Variants in CHUK observed in about 807,000 individuals in gnomAD.
CHUK encodes the protein inhibitor of nuclear factor kappa-B kinase subunit alpha.
In CHUK, 35 loss-of-function variants were observed where a neutral mutation model predicts 104.8. The observed-to-expected ratio is 0.33, with a 90% CI of 0.26 to 0.44. CHUK has a LOEUF of 0.44. Ranked by LOEUF, CHUK falls within the 20% of genes least tolerant of loss-of-function variation. The probability of loss-of-function intolerance (pLI) is 1.00; values close to 1 mark genes in which losing one functional copy is unlikely to be tolerated. For synonymous variants in CHUK, 276 were observed against 291.9 expected (o/e 0.95, Z 0.56); for missense variants, 663 against 902.7 (o/e 0.73, Z 3.40).
downstream of CHUK, chr10:100,188,182 C>T (rs12784198): frequency 0.062 from 9,492 of 152,204 alleles, 340 homozygotes; most frequent in African/African-American, 0.095. Context: ...GATAGGACAT[C>T]TCAGAGGAAA....
intron 9 of CHUK, 39 bp downstream of exon 9, chr10:100,217,956 T>C: frequency 1.3e-6 from 2 of 1,587,778 alleles, no homozygotes; most frequent in Non-Finnish European, 1.7e-6. Context: ...CTTGTTACTT[T>C]CAATGCTGGT....
intron 16 of CHUK, among the ~76,000 whole-genome samples, chr10:100,197,602 C>T (rs1845364493): frequency 6.6e-6 from 1 of 152,108 alleles, no homozygotes; most frequent in African/African-American, 2.4e-5. Flanking sequence ...AACAAAAAAA[C>T]CTATATTTAC....
intron 2 of CHUK, 32 bp downstream of exon 2, chr10:100,225,891 C>T (rs1475686538): frequency 7.9e-7 from 1 of 1,266,698 alleles, no homozygotes; most frequent in Non-Finnish European, 1.2e-6. Flanking sequence ...GGCTGTAGAA[C>T]CAGGGAAATG....
chr10:100,195,282 A>G (rs1283025612), intron 16 of CHUK: 1 of 152,234 alleles, frequency 6.6e-6, no homozygotes, highest in Non-Finnish European at 1.5e-5. Flanking sequence ...TGCAATAATA[A>G]TAATATTTGC....
At chr10:100,186,448 A>G (rs1845000622), downstream of CHUK, 2 of 165,668 alleles carry the variant, frequency 1.2e-5, no homozygotes, top group Admixed American at 1.3e-4. Flanking sequence ...AAGTGCTGTG[A>G]AAGTTCAGAA....
rs370843778 is a variant in CHUK, at chr10:100,189,478, GTTCATA to G, written c.*114_*119del. On this transcript the variant is annotated 3_prime_UTR_variant, in exon 21 of 21. Transcript: ENST00000370397. ...TGATCATAGTAGAAATGTAGTTTCT[GTTCATA>G]GCCATTTCTTCCATTGACTGATGTC... 8.7e-6 allele frequency: 7 copies of G among 804,790 alleles called. No homozygotes were observed. The African/African-American group carries it at 1.2e-4, about 14-fold the overall frequency. 49.9% of individuals were successfully genotyped at this position (804,790 alleles called of 1,614,324 possible).
chr10:100,194,673 T>C, intron 16 of CHUK, 152 bp from the exon 17 acceptor site: 1 of 563,838 alleles, frequency 1.8e-6, no homozygotes, highest in Non-Finnish European at 3.1e-6. Flanking sequence ...AGATAAAAGA[T>C]ATAAAGATTA....
rs758817488 is a variant in CHUK at position 100,205,091 on chromosome 10, C to G, written c.1340G>C (p.Gly447Ala). ...ATCCACTTACATTGCTGCCCTTTGTCCCTGAAAGAGCCTGCTATAGTCTTC... is the reference window on the plus strand; with the variant it reads ...ATCCACTTACATTGCTGCCCTTTGTGCCTGAAAGAGCCTGCTATAGTCTTC... ...LKEDYSRLFQ[G>A]QRAAMLSLLR... Residue 447 changes from glycine (G) to alanine (A), a missense_variant, in exon 12 of 21, where the codon GGA (glycine) becomes GCA (alanine). Physicochemically the swap from Gly to Ala is moderately conservative, Grantham distance 60 (BLOSUM62 0). This residue lies in a region of CHUK where 311 missense variants were observed against 393.4 expected (regional missense o/e 0.79). Transcript: ENST00000370397. 6.2e-7 allele frequency: 1 copy of G among 1,614,130 alleles called. No homozygotes were observed. Among genetic ancestry groups the G allele is most frequent in the Admixed American group, 1.7e-5 (1 of 60,024 alleles).
At chr10:100,211,839 A>C (rs1301118641) in intron 9 of CHUK, among the ~76,000 whole-genome samples, 1 of 151,940 alleles carries the variant, frequency 6.6e-6, no homozygotes, top group Non-Finnish European at 1.5e-5. Context: ...AATCCTTTGG[A>C]TATATACCAA....
At chr10:100,197,933 T>C (rs772800560) in intron 16 of CHUK, among the ~76,000 whole-genome samples, 1 of 152,224 alleles carries the variant, frequency 6.6e-6, no homozygotes, top group Non-Finnish European at 1.5e-5. Flanking sequence ...GTTTTACATT[T>C]TTGCAAACCT....
At chr10:100,194,568 A>G in intron 16 of CHUK, 47 bp from the exon 17 acceptor site, 1 of 1,273,828 alleles carries the variant, frequency 7.9e-7, no homozygotes, top group Non-Finnish European at 1.1e-6. Flanking sequence ...TCTGTAACAT[A>G]TCAGCCTCCA....
At chr10:100,212,558 T>C (rs1209134096) in intron 9 of CHUK, among the ~76,000 whole-genome samples, 1 of 152,218 alleles carries the variant, frequency 6.6e-6, no homozygotes, top group African/African-American at 2.4e-5. Context: ...ATTGGATGTA[T>C]GGTATGCAAA....
rs1439241743 is a variant in CHUK, at chr10:100,200,727, G to A, written c.1623C>T (p.Ile541=). The A allele has an allele frequency of 1.9e-6, 3 of 1,609,224 alleles. No homozygotes were observed. The highest frequency in any genetic ancestry group is 4.5e-5 in the East Asian group (2 of 44,840). Residue 541 remains isoleucine (I), a synonymous_variant, in exon 15 of 21, where the codon ATC becomes ATT. Coordinates refer to ENST00000370397, the MANE Select transcript of CHUK (RefSeq NM_001278.5). ...CATAGGGGCTCTTCTGTAGCTCCATGATTTCAGCATGCAAAGACATAATCT... is the reference window on the plus strand; with the variant it reads ...CATAGGGGCTCTTCTGTAGCTCCATAATTTCAGCATGCAAAGACATAATCT... ...EDQIMSLHAE[I]MELQKSPYGR...
rs372143587 is a variant in CHUK at position 100,189,642 on chromosome 10, G to A, written c.2209-15C>T. The A allele has an allele frequency of 4.4e-5, 70 of 1,605,130 alleles. No homozygotes were observed. The Middle Eastern group carries it at 5.0e-4, about 11-fold the overall frequency. ...CAATCAAGATTCTAAAACCAGGCAT[G>A]AAAAAGTTACAATTAGATGTTGACT... is the stretch of plus-strand genomic sequence containing the variant. On this transcript the variant is annotated splice_polypyrimidine_tract_variant and intron_variant, in intron 20 of 20. Transcript: ENST00000370397.
At chr10:100,191,034 C>T in intron 19 of CHUK, 66 bp from the exon 20 acceptor site, 1 of 947,880 alleles carries the variant, frequency 1.1e-6, no homozygotes, top group Non-Finnish European at 1.7e-6. Context: ...CCTCTACTTT[C>T]TAGTCTTCTA....
In CHUK at chr10:100,189,600, A is replaced by C; in HGVS notation, c.2236T>G (p.Ter746GlyextTer52). ...MNLDWSWLTE[*>G] ...GGGGACAGTGAACAAGTGACAACTC[A>C]TTCTGTTAACCAACTCCAATCAAGA... The change falls in exon 21 of 21, where the codon TGA (stop) becomes GGA (glycine). Residue 746 changes from the stop codon to glycine, a stop_lost. Transcript: ENST00000370397. 1 of 1,611,764 alleles carries C rather than the reference A, an allele frequency of 6.2e-7. No homozygotes were observed.
chr10:100,229,539 G>T lies in CHUK; in HGVS notation c.-7C>A, dbSNP rs747440857. The T allele has an allele frequency of 9.8e-6, 15 of 1,525,736 alleles. No individual in the cohort carries two copies. The Admixed American group carries it at 1.0e-4, about 10-fold the overall frequency. The allele number at this position is 1,525,736 out of a possible 1,614,324, so 94.5% of individuals were successfully genotyped here. On this transcript the variant is annotated 5_prime_UTR_variant, in exon 1 of 21. Transcript: ENST00000370397. ...GCCCCGGGGGCCGCTCCATGGGGCG[G>T]GAGGGCAAGCGGCCTCAGGTTCCAC...
intron 9 of CHUK, among the ~76,000 whole-genome samples, chr10:100,216,018 G>A (rs1403350627): frequency 6.6e-6 from 1 of 152,136 alleles, no homozygotes; most frequent in Non-Finnish European, 1.5e-5. Context: ...ATGCTTTGAG[G>A]AAGATATTAC....
intron 19 of CHUK, 77 bp downstream of exon 19, chr10:100,193,221 T>C: frequency 2.0e-6 from 3 of 1,514,856 alleles, no homozygotes; most frequent in Middle Eastern, 1.7e-4. Context: ...CACAGAAGAC[T>C]ACCTTAACAA....
Sources: gnomAD v4.1 joint callset for allele counts (sites outside exome capture counted in the v4.1 genomes callset) on GRCh38, gnomAD v4.1.1 for gene constraint, gnomAD v4.1.1 regional missense constraint, MANE v1.5 for transcripts, NCBI Gene and HGNC (gene_info 2026-07-23, HGNC 2026-07-21) for gene names.